LEF1: variants seen among roughly 807,000 people sequenced by gnomAD.
The protein encoded by LEF1 is lymphoid enhancer binding factor 1, also known as lymphoid enhancer-binding factor 1.
LEF1 carries 14 observed loss-of-function variants against 51.2 expected under a neutral mutation model. The ratio of observed to expected loss-of-function variants is 0.27; its 90% CI spans 0.18 to 0.43. LEF1 has a LOEUF of 0.43. Ranked by LOEUF, LEF1 falls within the 20% of genes least tolerant of loss-of-function variation. The pLI, the probability that LEF1 is intolerant of heterozygous loss-of-function variation, is 1.00. For synonymous variants in LEF1, 185 were observed against 183.2 expected, an observed-to-expected ratio of 1.01 and a Z score of -0.08; for missense variants, 386 against 512.0, an observed-to-expected ratio of 0.75 and a Z score of 2.37.
At chr4:108,165,491 A>G (rs1745328202) in intron 1 of LEF1, among the ~76,000 whole-genome samples, 1 of 152,236 alleles carries the variant, frequency 6.6e-6, no homozygotes, top group African/African-American at 2.4e-5. Context: ...GATGCCTAAT[A>G]TTACAGGAGT....
intron 3 of LEF1, among the ~76,000 whole-genome samples, chr4:108,114,999 C>T (rs190131753): frequency 1.9e-4 from 29 of 152,292 alleles, no homozygotes; most frequent in Admixed American, 1.3e-3. Flanking sequence ...GACGAGCATC[C>T]GAATTGTGCT....
intron 9 of LEF1, among the ~76,000 whole-genome samples, chr4:108,064,683 ACACACACACAATG>A (rs1560761843): frequency 2.8e-5 from 1 of 35,114 alleles, no homozygotes; most frequent in Non-Finnish European, 1.3e-4. Context: ...ACACACACAC[ACACACACACAATG>A]ATGTCTTAGA....
chr4:108,050,184 C>T (rs1345142138), intron 11 of LEF1, among the ~76,000 whole-genome samples: 2 of 152,202 alleles, frequency 1.3e-5, no homozygotes, highest in Non-Finnish European at 2.9e-5. Context: ...CCTCCAATGA[C>T]AATTTCATTT....
chr4:108,131,388 TAAAA>T (rs34472924), intron 3 of LEF1, among the ~76,000 whole-genome samples: 1 of 139,188 alleles, frequency 7.2e-6, no homozygotes, highest in Non-Finnish European at 1.5e-5. Context: ...ACCCTATCTC[TAAAA>T]AAAAAAAAAA....
At position 108,070,101 on chromosome 4, in the gene LEF1, G is replaced by A. The variant is rs183516532; in HGVS notation, c.1116+562C>T. On this transcript the variant is annotated intron_variant, in intron 9 of 11. Transcript: ENST00000265165. ...ATTCATTGAAGGAATATTTACATTT[G>A]TAAGAAAAACAATAGGAAGCAACTT... Among the ~76,000 whole-genome samples the A allele has an allele frequency of 3.1e-3, 466 of 151,998 alleles. 6 individuals are homozygous for A. Among genetic ancestry groups the A allele is most frequent in the Non-Finnish European group, 9.3e-4 (63 of 67,984 alleles).
At chr4:108,054,728 C>A (rs1205837514) in intron 11 of LEF1, among the ~76,000 whole-genome samples, 1 of 152,062 alleles carries the variant, frequency 6.6e-6, no homozygotes, top group African/African-American at 2.4e-5. Context: ...CAGAATGCTT[C>A]TAAAAGCATG....
intron 3 of LEF1, among the ~76,000 whole-genome samples, chr4:108,136,559 G>T (rs373856411): frequency 4.0e-5 from 6 of 150,036 alleles, no homozygotes; most frequent in African/African-American, 1.5e-4. Flanking sequence ...GGAAAGTTCA[G>T]CAATACATAT....
intron 3 of LEF1, among the ~76,000 whole-genome samples, chr4:108,146,845 AG>A (rs1190056614): frequency 6.6e-6 from 1 of 152,196 alleles, no homozygotes; most frequent in Admixed American, 6.5e-5. Context: ...GAGAAATGCA[AG>A]TGTGTTTTCT....
rs1741856354 is a variant in LEF1, at chr4:108,116,592, T to G, written c.415-27335A>C. ...ACACTAGAGTACAGTACACCCCAAT[T>G]AACCCTCATGATGGCCACACACATA... is the stretch of plus-strand genomic sequence containing the variant. On this transcript the variant is annotated intron_variant, in intron 3 of 11. Coordinates refer to ENST00000265165, the MANE Select transcript of LEF1 (RefSeq NM_016269.5). Among the ~76,000 whole-genome samples, 3 of 152,104 alleles carry G rather than the reference T, an allele frequency of 2.0e-5. No homozygotes were observed. In the South Asian group the frequency reaches 6.2e-4, roughly 32 times the overall value.
chr4:108,150,134 T>C (rs1560825257), intron 3 of LEF1, among the ~76,000 whole-genome samples: 2 of 152,242 alleles, frequency 1.3e-5, no homozygotes, highest in South Asian at 4.2e-4. Context: ...AACATCATGA[T>C]ACCACAAAAA....
intron 11 of LEF1, among the ~76,000 whole-genome samples, chr4:108,049,774 A>G (rs575133312): frequency 4.8e-4 from 73 of 152,368 alleles, no homozygotes; most frequent in Non-Finnish European, 9.6e-4. Context: ...ATTTCAATGG[A>G]AAAAGAAAGT....
chr4:108,079,119 G>C (rs1025820509), intron 7 of LEF1, among the ~76,000 whole-genome samples: 1 of 152,220 alleles, frequency 6.6e-6, no homozygotes, highest in African/African-American at 2.4e-5. Context: ...CCAGAAGAAA[G>C]TGCATTAAAC....
At chr4:108,085,629 C>G (rs1739592340) in intron 4 of LEF1, among the ~76,000 whole-genome samples, 3 of 152,196 alleles carry the variant, frequency 2.0e-5, no homozygotes, top group Non-Finnish European at 4.4e-5. Context: ...AAAATACCAA[C>G]TAGTTGGATG....
intron 7 of LEF1, 153 bp from the exon 8 acceptor site, chr4:108,078,535 T>C (rs1739072746): frequency 7.9e-6 from 7 of 887,148 alleles, no homozygotes. Flanking sequence ...GAAGAGCAGT[T>C]ATTGACTCAT....
At chr4:108,104,611 G>A (rs114598474) in intron 3 of LEF1, 1 of 893,524 alleles carries the variant, frequency 1.1e-6, no homozygotes, top group African/African-American at 1.8e-5. Flanking sequence ...CCAACCCACA[G>A]CAAAGTACGA....
At chr4:108,114,632 C>T (rs529344487) in intron 3 of LEF1, among the ~76,000 whole-genome samples, 12 of 152,222 alleles carry the variant, frequency 7.9e-5, no homozygotes, top group South Asian at 2.1e-4. Flanking sequence ...ACAAACTCTG[C>T]GAGCTAAAGA....
chr4:108,166,888 G>C (rs1201830059), intron 1 of LEF1: 1 of 873,316 alleles, frequency 1.1e-6, no homozygotes, highest in Admixed American at 6.2e-5. Flanking sequence ...GGGTCGGCTC[G>C]GCGCACCCAC....
At chr4:108,153,435 A>G (rs1744483916) in intron 3 of LEF1, among the ~76,000 whole-genome samples, 1 of 152,192 alleles carries the variant, frequency 6.6e-6, no homozygotes, top group South Asian at 2.1e-4. Flanking sequence ...TGGCCTTATT[A>G]ATAATAAAGC....
intron 3 of LEF1, among the ~76,000 whole-genome samples, chr4:108,147,799 A>G (rs1250360169): frequency 1.3e-5 from 2 of 152,214 alleles, no homozygotes; most frequent in South Asian, 2.1e-4. Flanking sequence ...AAATTTTTTT[A>G]AAGTACTTGT....
Sources: allele counts gnomAD v4.1 joint callset (sites outside exome capture counted in the v4.1 genomes callset), GRCh38; gene constraint gnomAD v4.1.1; transcripts MANE v1.5; gene names NCBI Gene and HGNC (gene_info 2026-07-23, HGNC 2026-07-21).